TXNDC5: variants seen among roughly 807,000 people sequenced by gnomAD.
TXNDC5 encodes thioredoxin domain containing 5.
A neutral mutation model predicts 52.6 loss-of-function variants in TXNDC5; 44 were observed. The observed-to-expected ratio is 0.84, with a 90% confidence interval of 0.66 to 1.08. TXNDC5 has a LOEUF of 1.08. Ranked by LOEUF, TXNDC5 falls within the 50% of genes least tolerant of loss-of-function variation. TXNDC5 has a pLI of 0.00. For missense variants in TXNDC5, 600 were observed against 565.5 expected, an observed-to-expected ratio of 1.06 and a Z score of -0.62; for synonymous variants, 241 against 234.4, an observed-to-expected ratio of 1.03 and a Z score of -0.26.
chr6:7,886,750 C>T (rs1482488046), intron 7 of TXNDC5, among the ~76,000 whole-genome samples: 3 of 152,188 alleles, frequency 2.0e-5, no homozygotes, highest in Non-Finnish European at 4.4e-5. Context: ...AAAAATGGAT[C>T]TGCGATTCTC....
rs1219890931 is a variant in TXNDC5, at chr6:7,881,541, G to GAA, written c.*1601_*1602dup. On this transcript the variant is annotated 3_prime_UTR_variant, in exon 10 of 10. Transcript: ENST00000379757. The stretch of plus-strand genomic sequence containing the variant: ...CTTTTAAAAAAAAAGAGTTTATTTA[G>GAA]AAAGTATCATAGTGTAAACAAACAA... 6.6e-6 allele frequency: 1 copy of GAA among 152,298 alleles called. No homozygotes were observed. The highest frequency in any genetic ancestry group is 1.5e-5 in the Non-Finnish European group (1 of 68,018). The allele number at this position is 152,298 out of a possible 1,614,324, so 9.4% of individuals were successfully genotyped here. A position where few individuals can be genotyped will look rare whatever the true frequency, so the allele number is the denominator to read the frequency against.
At chr6:7,910,413 G>A in intron 1 of TXNDC5, 101 bp downstream of exon 1, 1 of 1,202,804 alleles carries the variant, frequency 8.3e-7, no homozygotes. Flanking sequence ...AGAGCCGTCG[G>A]CGTCCACGTG....
At chr6:7,891,781 AATTTAT>A (rs1760200195) in intron 4 of TXNDC5, 45 bp from the exon 5 acceptor site, 2 of 1,388,994 alleles carry the variant, frequency 1.4e-6, no homozygotes, top group African/African-American at 1.4e-5. Flanking sequence ...GAGGAACTGT[AATTTAT>A]GTCAGACCTC....
Position 7,904,616 on chromosome 6 carries a change from T to G in TXNDC5, c.371A>C (p.His124Pro). Reference sequence around the variant, plus strand: ...CCCCTGGGCGGAGCACACGTCGGAGTGGGCCGTGCAGTCCACTTTAGCCAC... The same window carrying G: ...CCCCTGGGCGGAGCACACGTCGGAGGGGGCCGTGCAGTCCACTTTAGCCAC... ...VYVAKVDCTA[H>P]SDVCSAQGVR... is the part of the protein sequence containing the mutation. The change falls in exon 2 of 10, where the codon CAC becomes CCC. Residue 124 changes from histidine (H) to proline (P), a missense_variant. Transcript: ENST00000379757. 6.2e-7 allele frequency: 1 copy of G among 1,614,016 alleles called. No individual in the cohort carries two copies. Among genetic ancestry groups the G allele is most frequent in the Non-Finnish European group, 8.5e-7 (1 of 1,180,008 alleles).
At position 7,882,295 on chromosome 6, in the gene TXNDC5, A is replaced by ATCTT. The variant is rs1188606017; in HGVS notation, c.*845_*848dup. The ATCTT allele has an allele frequency of 2.6e-5, 4 of 152,364 alleles. No individual in the cohort carries two copies. The highest frequency in any genetic ancestry group is 5.9e-5 in the Non-Finnish European group (4 of 68,032). The allele number at this position is 152,364 out of a possible 1,614,324, so 9.4% of individuals were successfully genotyped here. On this transcript the variant is annotated 3_prime_UTR_variant, in exon 10 of 10. Coordinates refer to ENST00000379757, the MANE Select transcript of TXNDC5 (RefSeq NM_030810.5). ...ACCCCAGGTGACAAATACAACTGGA[A>ATCTT]TCTTTCAATGAGTTAATGAGATACT...
intron 1 of TXNDC5, among the ~76,000 whole-genome samples, chr6:7,907,407 C>G (rs948548375): frequency 1.3e-5 from 2 of 152,140 alleles, no homozygotes; most frequent in Non-Finnish European, 2.9e-5. Flanking sequence ...AGCAAAGCTA[C>G]CTGGTCCAAA....
intron 3 of TXNDC5, 22 bp from the exon 4 acceptor site, chr6:7,895,224 G>T: frequency 6.3e-7 from 1 of 1,599,474 alleles, no homozygotes; most frequent in Non-Finnish European, 8.5e-7. Context: ...AAATAAAACA[G>T]TCATGGGTGT....
At position 7,909,857 on chromosome 6, in the gene TXNDC5, T is replaced by G. The variant is rs1439902428; in HGVS notation, c.263+657A>C. 5 of 985,904 alleles carry G rather than the reference T, an allele frequency of 5.1e-6. No homozygotes were observed. In the East Asian group the frequency reaches 5.7e-4, roughly 112 times the overall value. 61.1% of individuals were successfully genotyped at this position (985,904 alleles called of 1,614,324 possible). ...CAGTTAAAGCCTCTGGAAGGGGACG[T>G]GCCCGCAGTCTGTCCCAGCCGACCC... On this transcript the variant is annotated intron_variant, in intron 1 of 9. Coordinates refer to ENST00000379757, the MANE Select transcript of TXNDC5 (RefSeq NM_030810.5).
At chr6:7,904,383 T>G (rs1488659296) in intron 2 of TXNDC5, among the ~76,000 whole-genome samples, 191 bp downstream of exon 2, 1 of 152,120 alleles carries the variant, frequency 6.6e-6, no homozygotes, top group South Asian at 2.1e-4. Flanking sequence ...AACCCAACAC[T>G]GATGAATTAA....
chr6:7,889,205 T>C, intron 6 of TXNDC5: 1 of 462,136 alleles, frequency 2.2e-6, no homozygotes, highest in African/African-American at 1.9e-5. Context: ...CTTAGCTCTG[T>C]TCAAAGGCCT....
intron 6 of TXNDC5, 82 bp downstream of exon 6, chr6:7,889,413 T>G: frequency 8.5e-7 from 1 of 1,180,950 alleles, no homozygotes; most frequent in South Asian, 1.4e-5. Context: ...GGCAATTCAC[T>G]GTGCCCATTA....
chr6:7,904,843 T>C, intron 1 of TXNDC5, 120 bp from the exon 2 acceptor site: 1 of 1,144,270 alleles, frequency 8.7e-7, no homozygotes, highest in Non-Finnish European at 1.3e-6. Context: ...CCATTGCAGA[T>C]GGCAGCTCCT....
chr6:7,882,414 A>T lies in TXNDC5; in HGVS notation c.*730T>A, dbSNP rs1028165898. 2 of 152,256 alleles carry T rather than the reference A, an allele frequency of 1.3e-5. No homozygotes were observed. Among genetic ancestry groups the T allele is most frequent in the Non-Finnish European group, 2.9e-5 (2 of 68,046 alleles). 9.4% of individuals were successfully genotyped at this position (152,256 alleles called of 1,614,324 possible). A position where few individuals can be genotyped will look rare whatever the true frequency, so the allele number is the denominator to read the frequency against. On this transcript the variant is annotated 3_prime_UTR_variant, in exon 10 of 10. Coordinates refer to ENST00000379757, the MANE Select transcript of TXNDC5 (RefSeq NM_030810.5). The stretch of plus-strand genomic sequence containing the variant: ...CTCTGGCTTCGTGTTAACATGAGGA[A>T]CTAAAGACATGTTTCACCCCGTGAG...
intron 8 of TXNDC5, among the ~76,000 whole-genome samples, chr6:7,884,938 G>A (rs758600994): frequency 2.1e-4 from 32 of 152,308 alleles, no homozygotes; most frequent in Non-Finnish European, 3.8e-4. Flanking sequence ...GTACTTCAGC[G>A]ATGTGGGGTG....
chr6:7,910,624 CG>C lies in TXNDC5; in HGVS notation c.152del (p.Ala51GlyfsTer89). 7.7e-7 allele frequency: 1 copy of C among 1,297,852 alleles called. No individual in the cohort carries two copies. Among genetic ancestry groups the C allele is most frequent in the South Asian group, 1.6e-5 (1 of 61,420 alleles). 80.4% of individuals were successfully genotyped at this position (1,297,852 alleles called of 1,614,324 possible). ...AAAAAADGPP[A>X]ADGEDGQDPH... is the part of the protein sequence containing the mutation. ...GGTCCTGTCCGTCCTCGCCGTCTGCCGCGGGGGGCCCGTCCGCCGCCGCCGC... is the reference window on the plus strand; with the variant it reads ...GGTCCTGTCCGTCCTCGCCGTCTGCCCGGGGGGCCCGTCCGCCGCCGCCGC... On this transcript the variant is annotated frameshift_variant, in exon 1 of 10. Transcript: ENST00000379757. LOFTEE classifies it high-confidence loss of function.
chr6:7,893,758 G>C (rs950919000), intron 4 of TXNDC5, among the ~76,000 whole-genome samples: 1 of 152,228 alleles, frequency 6.6e-6, no homozygotes, highest in Admixed American at 6.5e-5. Context: ...AGTAAGTGTG[G>C]TGGGGGAGGG....
chr6:7,909,971 G>A, intron 1 of TXNDC5: 1 of 986,106 alleles, frequency 1.0e-6, no homozygotes. Flanking sequence ...GAAGTTTGGG[G>A]CGCTGGGCAG....
intron 3 of TXNDC5, among the ~76,000 whole-genome samples, chr6:7,897,495 T>C (rs1446944342): frequency 1.3e-5 from 2 of 152,216 alleles, no homozygotes; most frequent in Non-Finnish European, 2.9e-5. Context: ...ATAAGGCGCA[T>C]TGTCATTGTT....
intron 1 of TXNDC5, among the ~76,000 whole-genome samples, chr6:7,905,843 A>C (rs1760712529): frequency 6.6e-6 from 1 of 152,190 alleles, no homozygotes; most frequent in Admixed American, 6.5e-5. Flanking sequence ...TTTTAAACAC[A>C]CTTGCTTATA....
Sources: allele counts gnomAD v4.1 joint callset (sites outside exome capture counted in the v4.1 genomes callset), GRCh38; gene constraint gnomAD v4.1.1; transcripts MANE v1.5; gene names NCBI Gene and HGNC (gene_info 2026-07-23, HGNC 2026-07-21).